Variants in SGCZ observed in about 807,000 individuals in gnomAD.
The protein encoded by SGCZ is zeta-sarcoglycan.
In SGCZ, 40 loss-of-function variants were observed where a neutral mutation model predicts 41.3. That is an observed-to-expected ratio of 0.97 (90% CI 0.75 to 1.26). SGCZ has a LOEUF of 1.26. Ranked by LOEUF, SGCZ falls within the 50% of genes most tolerant of loss-of-function variation. The pLI is 0.00. For missense variants in SGCZ, 552 were observed against 369.8 expected (o/e 1.49, Z -4.04); for synonymous variants, 206 against 137.5 (o/e 1.50, Z -3.49).
intron 2 of SGCZ, among the ~76,000 whole-genome samples, chr8:14,443,797 C>G (rs1286621897): frequency 6.6e-6 from 1 of 151,984 alleles, no homozygotes; most frequent in Non-Finnish European, 1.5e-5. Flanking sequence ...CAACAAAAGA[C>G]AAAATTGACA....
At chr8:14,585,139 A>G (rs776045552) in intron 1 of SGCZ, among the ~76,000 whole-genome samples, 13 of 152,132 alleles carry the variant, frequency 8.5e-5, no homozygotes, top group Non-Finnish European at 1.6e-4. Context: ...ACTAATAAAC[A>G]TTAGCTTTTT....
chr8:15,010,134 T>C (rs1802774247), intron 1 of SGCZ, among the ~76,000 whole-genome samples: 1 of 152,128 alleles, frequency 6.6e-6, no homozygotes, highest in Non-Finnish European at 1.5e-5. Context: ...TTCATAATGG[T>C]GAGAAAAAAC....
chr8:14,826,551 C>A (rs909033230), intron 1 of SGCZ, among the ~76,000 whole-genome samples: 2 of 152,168 alleles, frequency 1.3e-5, no homozygotes, highest in Admixed American at 6.5e-5. Context: ...GTCCCACCAA[C>A]AGTGTAGAAG....
At chr8:14,725,938 CT>C (rs890096092) in intron 1 of SGCZ, among the ~76,000 whole-genome samples, 32 of 151,696 alleles carry the variant, frequency 2.1e-4, no homozygotes, top group African/African-American at 6.5e-4. Context: ...TAAAAATTTG[CT>C]TTTTTTTCAC....
intron 3 of SGCZ, among the ~76,000 whole-genome samples, chr8:14,305,367 A>T (rs1012792961): frequency 7.2e-5 from 11 of 152,164 alleles, no homozygotes; most frequent in African/African-American, 2.7e-4. Context: ...TTATTTTAAA[A>T]CTACGGGAAG....
At chr8:14,312,580 G>A (rs867900435) in intron 3 of SGCZ, among the ~76,000 whole-genome samples, 3 of 151,990 alleles carry the variant, frequency 2.0e-5, no homozygotes, top group Non-Finnish European at 4.4e-5. Context: ...AATCACACCT[G>A]TGAATAGCCA....
intron 1 of SGCZ, among the ~76,000 whole-genome samples, chr8:14,752,164 C>T (rs977599091): frequency 1.9e-4 from 29 of 149,312 alleles, no homozygotes; most frequent in African/African-American, 7.2e-4. Flanking sequence ...CATACCCTTC[C>T]TCTGGACTTT....
intron 1 of SGCZ, among the ~76,000 whole-genome samples, chr8:14,822,752 G>GA (rs551582674): frequency 0.039 from 5,833 of 148,046 alleles, 170 homozygotes; most frequent in South Asian, 0.078. Flanking sequence ...AATTGTGCTG[G>GA]AAAAAAAAAA....
intron 2 of SGCZ, among the ~76,000 whole-genome samples, chr8:14,542,117 C>A (rs1429917318): frequency 6.6e-6 from 1 of 152,076 alleles, no homozygotes; most frequent in Non-Finnish European, 1.5e-5. Context: ...TTTTGCTGAG[C>A]AGAAGCTCTT....
intron 1 of SGCZ, among the ~76,000 whole-genome samples, chr8:14,811,170 C>G (rs1307641199): frequency 6.6e-6 from 1 of 151,958 alleles, no homozygotes; most frequent in Non-Finnish European, 1.5e-5. Flanking sequence ...CTTCTCTGTT[C>G]ATCATAAACT....
chr8:14,230,077 G>A (rs1292391496), intron 4 of SGCZ, among the ~76,000 whole-genome samples: 2 of 152,020 alleles, frequency 1.3e-5, no homozygotes. Context: ...ATGCTCTATG[G>A]CTAAGATGTC....
chr8:14,983,290 T>TA (rs1164258039), intron 1 of SGCZ, among the ~76,000 whole-genome samples: 1 of 151,596 alleles, frequency 6.6e-6, no homozygotes, highest in African/African-American at 2.4e-5. Context: ...GTTGAACTGG[T>TA]AGGCTTAAGG....
intron 1 of SGCZ, among the ~76,000 whole-genome samples, chr8:15,165,419 C>A (rs1489595655): frequency 1.3e-5 from 2 of 152,078 alleles, no homozygotes; most frequent in East Asian, 1.9e-4. Flanking sequence ...ATGCAACATG[C>A]GGGTCAGAAG....
Position 14,291,040 on chromosome 8 carries a change from C to T in SGCZ, c.336+33063G>A, listed in dbSNP as rs775159058. Among the ~76,000 whole-genome samples the T allele has an allele frequency of 7.4e-4, 112 of 151,980 alleles. 2 individuals are homozygous for T. Among genetic ancestry groups the T allele is most frequent in the Non-Finnish European group, 1.5e-3 (101 of 67,950 alleles). Reference sequence around the variant, plus strand: ...AATGAAATCCTGTTGTTTGCAGCAACATGGATGAACTTGGAGGACATTAAG... The same window carrying T: ...AATGAAATCCTGTTGTTTGCAGCAATATGGATGAACTTGGAGGACATTAAG... On this transcript the variant is annotated intron_variant, in intron 3 of 7. Coordinates refer to ENST00000382080, the MANE Select transcript of SGCZ (RefSeq NM_139167.4).
At chr8:14,110,726 C>T (rs2117009690) in intron 5 of SGCZ, among the ~76,000 whole-genome samples, 1 of 152,106 alleles carries the variant, frequency 6.6e-6, no homozygotes, top group East Asian at 1.9e-4. Context: ...TAAAAGCCAC[C>T]TGAACCAGGT....
chr8:14,866,303 G>A (rs1803928339), intron 1 of SGCZ, among the ~76,000 whole-genome samples: 1 of 151,766 alleles, frequency 6.6e-6, no homozygotes, highest in African/African-American at 2.4e-5. Context: ...CTTCTCTCGG[G>A]GCCAATCAAT....
chr8:14,343,292 G>A (rs1157562629), intron 2 of SGCZ, among the ~76,000 whole-genome samples: 1 of 152,154 alleles, frequency 6.6e-6, no homozygotes. Context: ...TAGTGGAGCT[G>A]CAAGAAGAGG....
chr8:14,519,642 T>C (rs1802730408), intron 2 of SGCZ, among the ~76,000 whole-genome samples: 1 of 152,144 alleles, frequency 6.6e-6, no homozygotes, highest in Non-Finnish European at 1.5e-5. Context: ...CTGGCCTCTC[T>C]ACCTTTCTTC....
At position 14,744,920 on chromosome 8, in the gene SGCZ, A is replaced by G. The variant is rs73664467; in HGVS notation, c.40-189994T>C. Among the ~76,000 whole-genome samples, 567 of 152,276 alleles carry G rather than the reference A, an allele frequency of 3.7e-3. 3 individuals are homozygous for G. The highest frequency in any genetic ancestry group is 0.013 in the African/African-American group (523 of 41,560). Reference sequence around the variant, plus strand: ...GCTTTTTATCATACTGAATTAAAACATTGTGTTCAGATCCATCATTCTGAC... The same window carrying G: ...GCTTTTTATCATACTGAATTAAAACGTTGTGTTCAGATCCATCATTCTGAC... On this transcript the variant is annotated intron_variant, in intron 1 of 7. Coordinates refer to ENST00000382080, the MANE Select transcript of SGCZ (RefSeq NM_139167.4).
Sources: allele counts gnomAD v4.1 joint callset (sites outside exome capture counted in the v4.1 genomes callset), GRCh38; gene constraint gnomAD v4.1.1; transcripts MANE v1.5; gene names NCBI Gene and HGNC (gene_info 2026-07-23, HGNC 2026-07-21).